SULF2: variants seen among roughly 807,000 people sequenced by gnomAD.
SULF2 encodes the protein sulfatase 2, also known as extracellular sulfatase Sulf-2.
In SULF2, 52 loss-of-function variants were observed where a neutral mutation model predicts 107.7. The ratio of observed to expected loss-of-function variants is 0.48; its 90% CI spans 0.39 to 0.61. The LOEUF (loss-of-function observed/expected upper bound fraction) is 0.61. Among genes scored for constraint, SULF2 ranks in the 20% least tolerant of loss-of-function variants. SULF2 has a pLI of 0.00. For synonymous variants in SULF2, 460 were observed against 464.3 expected, an observed-to-expected ratio of 0.99 and a Z score of 0.12; for missense variants, 993 against 1,177.3, an observed-to-expected ratio of 0.84 and a Z score of 2.29.
In SULF2 at chr20:47,662,176, G is replaced by A. The variant is rs6094772; in HGVS notation, c.2371-280C>T. 7.7e-3 allele frequency among the ~76,000 whole-genome samples: 1,172 copies of A among 152,278 alleles called. 20 individuals carry two copies. The highest frequency in any genetic ancestry group is 0.027 in the African/African-American group (1,128 of 41,546). ...TTGGAGTTCTGCAGCCACTGGTCAGGAAACTTCCCAAGCTTGGAAAGAAAG... is the reference window on the plus strand; with the variant it reads ...TTGGAGTTCTGCAGCCACTGGTCAGAAAACTTCCCAAGCTTGGAAAGAAAG... On this transcript the variant is annotated intron_variant, in intron 17 of 20. Transcript: ENST00000688720.
Position 47,664,201 on chromosome 20 carries a change from C to T in SULF2, c.1998-12G>A, listed in dbSNP as rs79684977. 2,524 of 1,608,900 alleles carry T rather than the reference C, an allele frequency of 1.6e-3. 40 individuals are homozygous for T. The East Asian group carries it at 0.034, about 22-fold the overall frequency. ...GCTGGGTGTGGTAGCTGTAACAGAC[C>T]CCCCCAGCCCCAGGCTTCAGGAGTG... On this transcript the variant is annotated splice_polypyrimidine_tract_variant and intron_variant, in intron 14 of 20. Coordinates refer to ENST00000688720, the MANE Select transcript of SULF2 (RefSeq NM_001387048.1).
intron 11 of SULF2, among the ~76,000 whole-genome samples, chr20:47,668,033 A>C (rs2087335767): frequency 6.6e-6 from 1 of 152,152 alleles, no homozygotes; most frequent in Admixed American, 6.5e-5. Flanking sequence ...TCTCCTGGGC[A>C]CTTCTCTCCC....
At chr20:47,750,893 G>C (rs1048310034) in intron 2 of SULF2, among the ~76,000 whole-genome samples, 38 of 152,152 alleles carry the variant, frequency 2.5e-4, no homozygotes, top group African/African-American at 8.7e-4. Context: ...CCCTTGACTG[G>C]TTTCCTTACC....
At chr20:47,734,117 C>T (rs1260559468) in intron 3 of SULF2, among the ~76,000 whole-genome samples, 1 of 152,320 alleles carries the variant, frequency 6.6e-6, no homozygotes, top group Non-Finnish European at 1.5e-5. Context: ...TGCTGCCATG[C>T]ATGGCCATAT....
intron 1 of SULF2, among the ~76,000 whole-genome samples, chr20:47,764,118 T>G (rs924426242): frequency 6.6e-6 from 1 of 152,206 alleles, no homozygotes; most frequent in Non-Finnish European, 1.5e-5. Context: ...TCAGGTTATC[T>G]TCACCATCCC....
chr20:47,780,010 G>A (rs1404259625), intron 1 of SULF2, among the ~76,000 whole-genome samples: 1 of 139,434 alleles, frequency 7.2e-6, no homozygotes, highest in Non-Finnish European at 1.5e-5. Context: ...CTCTACCCTA[G>A]TTGACTTTTT....
At chr20:47,754,586 G>A (rs1217926853) in intron 2 of SULF2, among the ~76,000 whole-genome samples, 1 of 152,094 alleles carries the variant, frequency 6.6e-6, no homozygotes, top group Non-Finnish European at 1.5e-5. Context: ...GTGCTATTGG[G>A]CAAGAGCTGA....
At chr20:47,764,454 T>A (rs939555600) in intron 1 of SULF2, among the ~76,000 whole-genome samples, 2 of 151,914 alleles carry the variant, frequency 1.3e-5, no homozygotes, top group African/African-American at 4.9e-5. Flanking sequence ...CCACCCCCCC[T>A]TATATATGGT....
chr20:47,755,251 T>C (rs58220057), intron 2 of SULF2, among the ~76,000 whole-genome samples: 3,221 of 152,282 alleles, frequency 0.021, 115 homozygotes, highest in African/African-American at 0.073. Flanking sequence ...AGCCACGGCT[T>C]TCTTTGTTCC....
intron 2 of SULF2, among the ~76,000 whole-genome samples, chr20:47,751,375 C>G (rs914869): frequency 0.59 from 90,073 of 152,144 alleles, 27,275 homozygotes; most frequent in East Asian, 0.7. Flanking sequence ...GAATGTGCAC[C>G]TGACTCCATC....
intron 1 of SULF2, among the ~76,000 whole-genome samples, chr20:47,768,510 C>T (rs542654599): frequency 3.0e-4 from 46 of 152,350 alleles, no homozygotes; most frequent in African/African-American, 1.1e-3. Flanking sequence ...GGCTGACTCC[C>T]GTGGCTTCCT....
chr20:47,703,572 A>G (rs552888332), intron 3 of SULF2, among the ~76,000 whole-genome samples: 1 of 152,322 alleles, frequency 6.6e-6, no homozygotes, highest in South Asian at 2.1e-4. Flanking sequence ...GGCTGCCCCA[A>G]CCGGTCCAAC....
intron 18 of SULF2, among the ~76,000 whole-genome samples, 156 bp from the exon 19 acceptor site, chr20:47,659,886 G>A (rs999769978): frequency 6.6e-6 from 1 of 152,162 alleles, no homozygotes; most frequent in African/African-American, 2.4e-5. Flanking sequence ...GGGGTAGACT[G>A]AATTATGAGG....
intron 18 of SULF2, 38 bp from the exon 19 acceptor site, chr20:47,659,768 A>G: frequency 6.3e-7 from 1 of 1,588,772 alleles, no homozygotes; most frequent in Non-Finnish European, 8.6e-7. Flanking sequence ...ACAGGAGCAG[A>G]TAGTTTAGGC....
Position 47,694,236 on chromosome 20 carries a change from G to GGGGGCAGCATCCAGCGATGCTCA in SULF2, c.568-3964_568-3942dup. Among the ~76,000 whole-genome samples the GGGGGCAGCATCCAGCGATGCTCA allele has an allele frequency of 6.6e-6, 1 of 152,194 alleles. No individual in the cohort carries two copies. The highest frequency in any genetic ancestry group is 1.5e-5 in the Non-Finnish European group (1 of 68,028). Reference sequence around the variant, plus strand: ...AACAGGAGGCCTGGGCCAGGGTGGCGGGGGCAGCATCCAGCGATGCTCAGG... The same window carrying GGGGGCAGCATCCAGCGATGCTCA: ...AACAGGAGGCCTGGGCCAGGGTGGCGGGGGCAGCATCCAGCGATGCTCAGGGGCAGCATCCAGCGATGCTCAGG... On this transcript the variant is annotated intron_variant, in intron 4 of 20. Transcript: ENST00000688720. The surrounding 1 kb of genome is among the most constrained non-coding windows in gnomAD (Gnocchi z 4.4).
chr20:47,697,768 T>G lies in SULF2; in HGVS notation c.567+4751A>C, dbSNP rs548711074. Among the ~76,000 whole-genome samples the G allele has an allele frequency of 3.3e-4, 50 of 152,332 alleles. 1 individual carries two copies. The South Asian group carries it at 5.2e-3, about 16-fold the overall frequency. On this transcript the variant is annotated intron_variant, in intron 4 of 20. Coordinates refer to ENST00000688720, the MANE Select transcript of SULF2 (RefSeq NM_001387048.1). ...AAACAGGGCAAAAGGACGGACGTTC[T>G]ATGTCCCCATGCTTAGCCCCAAAAG... is the stretch of plus-strand genomic sequence containing the variant.
In SULF2 at chr20:47,741,096, G is replaced by T. The variant is rs185192953; in HGVS notation, c.176-4154C>A. On this transcript the variant is annotated intron_variant, in intron 2 of 20. Transcript: ENST00000688720. The stretch of plus-strand genomic sequence containing the variant: ...CTCTCTCCCTGAAATCAGGCCAGTT[G>T]CTTCCTGATTGGACTCCAGTCACTT... Among the ~76,000 whole-genome samples the T allele has an allele frequency of 2.6e-3, 399 of 152,250 alleles. 1 individual carries two copies. Among genetic ancestry groups the T allele is most frequent in the African/African-American group, 9.3e-3 (386 of 41,538 alleles).
chr20:47,782,194 T>A (rs2090845228), intron 1 of SULF2, among the ~76,000 whole-genome samples: 1 of 152,148 alleles, frequency 6.6e-6, no homozygotes, highest in South Asian at 2.1e-4. Flanking sequence ...GATGGACTGC[T>A]CTCCCTTCCG....
At chr20:47,719,725 A>G (rs2089231880) in intron 3 of SULF2, among the ~76,000 whole-genome samples, 2 of 152,234 alleles carry the variant, frequency 1.3e-5, no homozygotes, top group Admixed American at 1.3e-4. Flanking sequence ...AAAGGGCCAG[A>G]CTATGTGTTT....
Sources: allele counts gnomAD v4.1 joint callset (sites outside exome capture counted in the v4.1 genomes callset), GRCh38; gene constraint gnomAD v4.1.1; non-coding constraint Gnocchi (gnomAD v3.1); transcripts MANE v1.5; gene names NCBI Gene and HGNC (gene_info 2026-07-23, HGNC 2026-07-21).